Variants in PRKCE observed in about 807,000 individuals in gnomAD.
The protein encoded by PRKCE is protein kinase C epsilon type.
Under a neutral mutation model 85.4 loss-of-function variants are expected in PRKCE, and 16 were observed. The ratio of observed to expected loss-of-function variants is 0.19; its 90% CI spans 0.13 to 0.28. The LOEUF (loss-of-function observed/expected upper bound fraction) is 0.28. PRKCE is among the 10% of genes least tolerant of loss of function. The pLI, the probability that PRKCE is intolerant of heterozygous loss-of-function variation, is 1.00. For missense variants in PRKCE, 573 were observed against 975.2 expected (o/e 0.59, Z 5.49); for synonymous variants, 388 against 371.5 (o/e 1.04, Z -0.51).
At chr2:45,847,731 C>G (rs1691913904) in intron 2 of PRKCE, among the ~76,000 whole-genome samples, 2 of 152,218 alleles carry the variant, frequency 1.3e-5, no homozygotes, top group African/African-American at 2.4e-5. Context: ...ATTCCCCACT[C>G]CACCCCTGGT....
chr2:45,655,993 C>A (rs983292893), intron 1 of PRKCE, among the ~76,000 whole-genome samples: 3 of 151,968 alleles, frequency 2.0e-5, no homozygotes, highest in Admixed American at 6.5e-5. Flanking sequence ...GCATGGCCAC[C>A]GCAGGAATAA....
chr2:45,681,175 G>C (rs1337105713), intron 1 of PRKCE, among the ~76,000 whole-genome samples: 1 of 150,254 alleles, frequency 6.7e-6, no homozygotes, highest in African/African-American at 2.5e-5. Flanking sequence ...TGTAATCCCA[G>C]TCACTCGGGA....
intron 6 of PRKCE, among the ~76,000 whole-genome samples, chr2:45,988,833 G>A (rs984514908): frequency 6.6e-6 from 1 of 152,132 alleles, no homozygotes; most frequent in Non-Finnish European, 1.5e-5. Context: ...CACTTTGTTG[G>A]AACAGTGCTG....
At chr2:45,781,165 A>C (rs999380817) in intron 1 of PRKCE, among the ~76,000 whole-genome samples, 1 of 147,402 alleles carries the variant, frequency 6.8e-6, no homozygotes, top group Non-Finnish European at 1.5e-5. Context: ...AGACCCCCCC[A>C]TCTCTACAAA....
intron 1 of PRKCE, among the ~76,000 whole-genome samples, chr2:45,764,787 A>T (rs1333393975): frequency 6.6e-6 from 1 of 152,188 alleles, no homozygotes; most frequent in African/African-American, 2.4e-5. Flanking sequence ...ATTGCCATTC[A>T]TTCTGCTGCA....
intron 1 of PRKCE, among the ~76,000 whole-genome samples, chr2:45,788,351 G>A (rs982847706): frequency 6.6e-6 from 1 of 152,124 alleles, no homozygotes; most frequent in South Asian, 2.1e-4. Flanking sequence ...TAGGAGCATC[G>A]GTAATGTTGC....
At chr2:45,827,913 G>A (rs543050587) in intron 1 of PRKCE, among the ~76,000 whole-genome samples, 8 of 152,060 alleles carry the variant, frequency 5.3e-5, no homozygotes, top group South Asian at 2.1e-4. Context: ...CTTATGCTTC[G>A]TTTCCTTAGA....
chr2:46,086,500 A>C (rs1434508916), intron 11 of PRKCE, 138 bp downstream of exon 11: 1 of 1,064,792 alleles, frequency 9.4e-7, no homozygotes, highest in African/African-American at 1.6e-5. Context: ...ATTTGCTTAC[A>C]GAAGACTTTT....
Position 46,138,605 on chromosome 2 carries a change from G to A in PRKCE, c.1593-6488G>A, listed in dbSNP as rs1013819690. Among the ~76,000 whole-genome samples the A allele has an allele frequency of 4.6e-5, 7 of 152,258 alleles. No individual in the cohort carries two copies. The highest frequency in any genetic ancestry group is 1.7e-4 in the African/African-American group (7 of 41,536). ...CTGGCTTAGTGATCCGGGCCAGGCC[G>A]TGTTAGAGCCCTGATCACTGCTTAA... On this transcript the variant is annotated intron_variant, in intron 11 of 14. Coordinates refer to ENST00000306156, the MANE Select transcript of PRKCE (RefSeq NM_005400.3). The surrounding 1 kb of genome is among the most constrained non-coding windows in gnomAD (Gnocchi z 4.2).
chr2:45,655,868 A>C (rs1216371578), intron 1 of PRKCE, among the ~76,000 whole-genome samples: 2 of 150,916 alleles, frequency 1.3e-5, no homozygotes, highest in Non-Finnish European at 3.0e-5. Flanking sequence ...AAAAAAAAAA[A>C]AAAGGTAGGG....
At chr2:45,806,023 A>G (rs1279809524) in intron 1 of PRKCE, among the ~76,000 whole-genome samples, 3 of 152,148 alleles carry the variant, frequency 2.0e-5, no homozygotes, top group African/African-American at 7.2e-5. Context: ...CATGCTCTTG[A>G]GCTCCCCACT....
intron 11 of PRKCE, among the ~76,000 whole-genome samples, chr2:46,126,970 T>C (rs1251555202): frequency 6.6e-6 from 1 of 152,222 alleles, no homozygotes; most frequent in East Asian, 1.9e-4. Flanking sequence ...CTTTGAAATA[T>C]GGGTGTTGTT....
At chr2:45,771,646 C>T (rs931881951) in intron 1 of PRKCE, among the ~76,000 whole-genome samples, 1 of 151,740 alleles carries the variant, frequency 6.6e-6, no homozygotes, top group Non-Finnish European at 1.5e-5. Context: ...AACTTCTGTT[C>T]CAGTTTTGTA....
chr2:46,138,514 G>C lies in PRKCE; in HGVS notation c.1593-6579G>C, dbSNP rs954114398. ...GATTCCCATCTCCTAGGAATAAAATGGCAGAGGATGTACCAGGCGAATGCA... is the reference window on the plus strand; with the variant it reads ...GATTCCCATCTCCTAGGAATAAAATCGCAGAGGATGTACCAGGCGAATGCA... On this transcript the variant is annotated intron_variant, in intron 11 of 14. Coordinates refer to ENST00000306156, the MANE Select transcript of PRKCE (RefSeq NM_005400.3). The surrounding 1 kb of genome is among the most constrained non-coding windows in gnomAD (Gnocchi z 4.2). 4.6e-5 allele frequency among the ~76,000 whole-genome samples: 7 copies of C among 152,182 alleles called. No homozygotes were observed. Among genetic ancestry groups the C allele is most frequent in the Non-Finnish European group, 7.3e-5 (5 of 68,042 alleles).
chr2:46,046,542 G>A lies in PRKCE; in HGVS notation c.1437+36025G>A, dbSNP rs1053199492. ...AGAGTCTCCACTTTGGGGTTTCCTCGATGTACACGTCACATTGAAAAATGG... is the reference window on the plus strand; with the variant it reads ...AGAGTCTCCACTTTGGGGTTTCCTCAATGTACACGTCACATTGAAAAATGG... On this transcript the variant is annotated intron_variant, in intron 10 of 14. Transcript: ENST00000306156. Among the ~76,000 whole-genome samples the A allele has an allele frequency of 1.2e-4, 19 of 152,188 alleles. No individual in the cohort carries two copies. The East Asian group carries it at 3.3e-3, about 26-fold the overall frequency.
chr2:46,148,031 T>G (rs889361049), intron 12 of PRKCE, among the ~76,000 whole-genome samples: 28 of 151,918 alleles, frequency 1.8e-4, no homozygotes, highest in African/African-American at 6.5e-4. Flanking sequence ...ATGGGAGAGG[T>G]GGTAAGGTGC....
chr2:45,884,988 TATATATATA>T (rs1333932511), intron 2 of PRKCE, among the ~76,000 whole-genome samples: 25 of 68,584 alleles, frequency 3.6e-4, no homozygotes, highest in East Asian at 1.8e-3. Context: ...TATATATATA[TATATATATA>T]TATATTTGTT....
chr2:45,935,763 C>G (rs914227269), intron 2 of PRKCE, among the ~76,000 whole-genome samples: 1 of 145,300 alleles, frequency 6.9e-6, no homozygotes, highest in Non-Finnish European at 1.5e-5. Flanking sequence ...CCAGCCCACA[C>G]GACAAAGTGA....
chr2:45,661,436 G>C (rs192086221), intron 1 of PRKCE, among the ~76,000 whole-genome samples: 4 of 151,594 alleles, frequency 2.6e-5, no homozygotes, highest in Admixed American at 2.6e-4. Flanking sequence ...ACCCGCCTCA[G>C]CCTCCCAAAA....
Sources: gnomAD v4.1 joint callset for allele counts (sites outside exome capture counted in the v4.1 genomes callset) on GRCh38, gnomAD v4.1.1 for gene constraint, Gnocchi (gnomAD v3.1) non-coding constraint, MANE v1.5 for transcripts, NCBI Gene and HGNC (gene_info 2026-07-23, HGNC 2026-07-21) for gene names.